DPH6: variants seen among roughly 807,000 people sequenced by gnomAD.
The protein encoded by DPH6 is diphthamine biosynthesis 6.
In DPH6, 33 loss-of-function variants were observed where a neutral mutation model predicts 38.2. The ratio of observed to expected loss-of-function variants is 0.86; its 90% CI spans 0.65 to 1.15. DPH6 has a LOEUF of 1.15. DPH6 is among the 50% of genes most tolerant of loss of function. The probability of loss-of-function intolerance (pLI) is 0.00; values close to 1 mark genes in which losing one functional copy is unlikely to be tolerated. For missense variants in DPH6, 325 were observed against 320.0 expected (o/e 1.02, Z -0.12); for synonymous variants, 108 against 103.0 (o/e 1.05, Z -0.30).
chr15:35,428,085 C>T (rs533997275), intron 5 of DPH6, among the ~76,000 whole-genome samples: 320 of 151,952 alleles, frequency 2.1e-3, no homozygotes, highest in Non-Finnish European at 3.4e-3. Flanking sequence ...CAAATAGAAT[C>T]GGAAAGCCAC....
At chr15:35,363,966 A>G (rs1350142545) in intron 3 of DPH6, among the ~76,000 whole-genome samples, 1 of 152,008 alleles carries the variant, frequency 6.6e-6, no homozygotes, top group Non-Finnish European at 1.5e-5. Flanking sequence ...AATTCTATGT[A>G]GATTTTAAAC....
At chr15:35,185,159 T>G in the DPH6 span, among the ~76,000 whole-genome samples, 1 of 152,114 alleles carries the variant, frequency 6.6e-6, no homozygotes, top group Admixed American at 6.6e-5. Context: ...ACATAAAACA[T>G]GGACAACCAC....
intron 3 of DPH6, among the ~76,000 whole-genome samples, chr15:35,221,308 GGC>G (rs2051440754): frequency 6.6e-6 from 1 of 152,130 alleles, no homozygotes; most frequent in African/African-American, 2.4e-5. Context: ...TCTTAGGGGT[GGC>G]CCTATTCCCA....
chr15:35,357,550 C>T (rs1006726090), intron 3 of DPH6, among the ~76,000 whole-genome samples: 1 of 152,160 alleles, frequency 6.6e-6, no homozygotes, highest in African/African-American at 2.4e-5. Context: ...TTGAAAGCTC[C>T]TTTTAGTTCT....
In DPH6 at chr15:35,318,832, T is replaced by C. The variant is rs549213653; in HGVS notation, n.200+54689A>G. 1.4e-4 allele frequency among the ~76,000 whole-genome samples: 22 copies of C among 152,300 alleles called. No individual in the cohort carries two copies. The South Asian group carries it at 3.1e-3, about 22-fold the overall frequency. On this transcript the variant is annotated intron_variant and non_coding_transcript_variant, in intron 3 of 3. Coordinates refer to the DPH6 transcript ENST00000560386. Reference sequence around the variant, plus strand: ...TGTATTTGGAATAGTTTTTTCTAGATGAAATCATATATAAATATATTTTAT... The same window carrying C: ...TGTATTTGGAATAGTTTTTTCTAGACGAAATCATATATAAATATATTTTAT...
At chr15:35,154,212 G>A in the DPH6 span, among the ~76,000 whole-genome samples, 4 of 152,146 alleles carry the variant, frequency 2.6e-5, no homozygotes, top group Non-Finnish European at 4.4e-5. Context: ...AAATGCATGC[G>A]GTGATGATGG....
At chr15:35,295,018 AG>A (rs1178952790) in intron 3 of DPH6, among the ~76,000 whole-genome samples, 1 of 152,174 alleles carries the variant, frequency 6.6e-6, no homozygotes, top group African/African-American at 2.4e-5. Context: ...TCAGAGTTGA[AG>A]GGCAGTTGCT....
intron 3 of DPH6, among the ~76,000 whole-genome samples, chr15:35,296,314 A>AG (rs2052014526): frequency 6.6e-6 from 1 of 152,174 alleles, no homozygotes; most frequent in Non-Finnish European, 1.5e-5. Flanking sequence ...TACTTCTAAA[A>AG]TTTTGATTTT....
chr15:35,533,519 T>C (rs1008675924), intron 3 of DPH6, among the ~76,000 whole-genome samples: 3 of 151,924 alleles, frequency 2.0e-5, no homozygotes, highest in Non-Finnish European at 4.4e-5. Context: ...CTACAGAAAG[T>C]AGAGGTAAGA....
intron 5 of DPH6, among the ~76,000 whole-genome samples, chr15:35,447,482 T>C (rs2053870618): frequency 6.6e-6 from 1 of 152,086 alleles, no homozygotes; most frequent in African/African-American, 2.4e-5. Flanking sequence ...CCCACACCCT[T>C]TTCCCCATGA....
intron 3 of DPH6, among the ~76,000 whole-genome samples, chr15:35,251,344 C>T (rs1180628282): frequency 2.6e-5 from 4 of 152,210 alleles, no homozygotes. Flanking sequence ...TATATGCCCG[C>T]TCCATTCCCA....
chr15:35,492,398 T>C (rs1196091102), intron 3 of DPH6, among the ~76,000 whole-genome samples: 10 of 152,218 alleles, frequency 6.6e-5, no homozygotes, highest in Admixed American at 5.9e-4. Context: ...ATGTGATTCA[T>C]GTTTTTCATT....
At chr15:35,487,074 C>T (rs888818821) in intron 3 of DPH6, among the ~76,000 whole-genome samples, 2 of 152,214 alleles carry the variant, frequency 1.3e-5, no homozygotes, top group Non-Finnish European at 2.9e-5. Context: ...GACATGGTCT[C>T]CCAAGGCCTT....
the DPH6 span, among the ~76,000 whole-genome samples, chr15:35,155,837 C>T: frequency 6.6e-6 from 1 of 152,150 alleles, no homozygotes; most frequent in African/African-American, 2.4e-5. Flanking sequence ...GTAGAAATCA[C>T]ATTGTATTTC....
intron 5 of DPH6, among the ~76,000 whole-genome samples, chr15:35,447,822 T>C (rs17585811): frequency 3.0e-4 from 45 of 152,046 alleles, no homozygotes; most frequent in Middle Eastern, 6.8e-3. Flanking sequence ...ATCTACGAAA[T>C]GGGAAAGATA....
intron 3 of DPH6, among the ~76,000 whole-genome samples, chr15:35,220,767 C>T (rs2051437299): frequency 6.6e-6 from 1 of 152,048 alleles, no homozygotes; most frequent in Non-Finnish European, 1.5e-5. Flanking sequence ...GAAAGGACAA[C>T]CATTCAAAAC....
chr15:35,517,363 C>T (rs1413014869), intron 3 of DPH6, among the ~76,000 whole-genome samples: 1 of 152,050 alleles, frequency 6.6e-6, no homozygotes, highest in Non-Finnish European at 1.5e-5. Context: ...ATGTAATCTA[C>T]ATTTATCACT....
intron 3 of DPH6, among the ~76,000 whole-genome samples, chr15:35,274,100 A>G (rs2051841214): frequency 6.6e-6 from 1 of 152,170 alleles, no homozygotes; most frequent in Non-Finnish European, 1.5e-5. Context: ...ATAACACCAC[A>G]TGTCTACAAC....
intron 3 of DPH6, among the ~76,000 whole-genome samples, chr15:35,303,601 C>G (rs987372375): frequency 6.6e-6 from 1 of 151,306 alleles, no homozygotes; most frequent in African/African-American, 2.4e-5. Flanking sequence ...TGTGACGTTA[C>G]AGCTTTGCAA....
Sources: allele counts gnomAD v4.1 joint callset (sites outside exome capture counted in the v4.1 genomes callset), GRCh38; gene constraint gnomAD v4.1.1; transcripts MANE v1.5; gene names NCBI Gene and HGNC (gene_info 2026-07-23, HGNC 2026-07-21).